Variants in NKAPD1 observed in about 807,000 individuals in gnomAD.
NKAPD1 encodes the protein NKAP domain containing 1, also known as uncharacterized protein NKAPD1.
A neutral mutation model predicts 30.9 loss-of-function variants in NKAPD1; 12 were observed. That is an observed-to-expected ratio of 0.39 (90% CI 0.25 to 0.63). The LOEUF (loss-of-function observed/expected upper bound fraction) is 0.63. NKAPD1 is among the 20% of genes least tolerant of loss of function. NKAPD1 has a pLI of 0.51. For synonymous variants in NKAPD1, 91 were observed against 113.6 expected (o/e 0.80, Z 1.26); for missense variants, 311 against 344.5 (o/e 0.90, Z 0.77).
intron 4 of NKAPD1, 144 bp downstream of exon 4, chr11:112,080,702 C>A: frequency 2.4e-6 from 2 of 827,930 alleles, no homozygotes; most frequent in South Asian, 1.8e-5. Context: ...GCCAAGTAAT[C>A]CAAATGTCTG....
In NKAPD1 at chr11:112,082,865, G is replaced by T; in HGVS notation, c.775G>T (p.Ala259Ser). 6.2e-7 allele frequency: 1 copy of T among 1,613,818 alleles called. No individual in the cohort carries two copies. The highest frequency in any genetic ancestry group is 8.5e-7 in the Non-Finnish European group (1 of 1,179,950). ...KTKRKKREKK[A>S]HTSVANNEIQ... ...CAAAAGGAAAAAGAGAGAGAAAAAA[G>T]CCCATACCTCTGTAGCCAACAATGA... Residue 259 changes from alanine to serine, a missense_variant, in exon 6 of 6, where the codon GCC becomes TCC. Ala to Ser is a moderately conservative substitution (Grantham distance 99, BLOSUM62 1). Transcript: ENST00000393047.
At chr11:112,075,671 A>G in intron 2 of NKAPD1, 28 bp downstream of exon 2, 1 of 1,600,942 alleles carries the variant, frequency 6.2e-7, no homozygotes, top group Non-Finnish European at 8.5e-7. Context: ...GTTACTCCTC[A>G]ACGCTTACTG....
intron 3 of NKAPD1, 67 bp downstream of exon 3, chr11:112,078,382 A>G: frequency 1.6e-6 from 2 of 1,284,992 alleles, no homozygotes; most frequent in Admixed American, 4.0e-5. Flanking sequence ...TTTTGTTTAA[A>G]AATACTTTGG....
Position 112,075,623 on chromosome 11 carries a change from C to T in NKAPD1, c.49C>T (p.His17Tyr). 6.2e-7 allele frequency: 1 copy of T among 1,607,586 alleles called. No individual in the cohort carries two copies. Among genetic ancestry groups the T allele is most frequent in the Non-Finnish European group, 8.5e-7 (1 of 1,178,324 alleles). ...GGTCCTCCTGAGGAATGTCATCCGG[C>T]ACACAGATGCTCACAATAAGGTGGG... Reference protein sequence around the residue: ...GKVLLRNVIRHTDAHNKIQEE... With the variant: ...GKVLLRNVIRYTDAHNKIQEE... The change falls in exon 2 of 6, where the codon CAC (histidine) becomes TAC (tyrosine). Residue 17 changes from histidine (H) to tyrosine (Y), a missense_variant. Transcript: ENST00000393047.
intron 4 of NKAPD1, chr11:112,081,310 GTGAGACTC>G (rs989915536): frequency 1.3e-5 from 2 of 150,026 alleles, no homozygotes; most frequent in Non-Finnish European, 3.0e-5. Context: ...TGGCAACTGA[GTGAGACTC>G]TGTCTCAAGA....
chr11:112,082,818 A>G lies in NKAPD1; in HGVS notation c.728A>G (p.Glu243Gly). 1 of 1,613,980 alleles carries G rather than the reference A, an allele frequency of 6.2e-7. No individual in the cohort carries two copies. The highest frequency in any genetic ancestry group is 1.1e-5 in the South Asian group (1 of 91,064). The change falls in exon 6 of 6, where the codon GAG becomes GGG. Residue 243 changes from glutamate to glycine, a missense_variant. Transcript: ENST00000393047. ...GCATCCAGCAGTTCTGAGGAAAGTG[A>G]GGAAAGAGACACTAAGAAAACCAAA... ...DSASSSSEES[E>G]ERDTKKTKRK...
At chr11:112,077,562 T>C (rs1232525553) in intron 2 of NKAPD1, among the ~76,000 whole-genome samples, 3 of 152,364 alleles carry the variant, frequency 2.0e-5, no homozygotes, top group African/African-American at 7.2e-5. Context: ...ATGAGATTGC[T>C]TAAGGTTCAA....
At chr11:112,082,262 T>C in intron 5 of NKAPD1, 1 of 660,068 alleles carries the variant, frequency 1.5e-6, no homozygotes, top group Non-Finnish European at 2.5e-6. Flanking sequence ...AGTAACTCAG[T>C]ATGGCAGCTT....
At chr11:112,077,246 C>T (rs147021936) in intron 2 of NKAPD1, among the ~76,000 whole-genome samples, 5 of 152,262 alleles carry the variant, frequency 3.3e-5, no homozygotes, top group African/African-American at 1.2e-4. Context: ...ATATAGTAAG[C>T]TTAGATTTAA....
intron 3 of NKAPD1, among the ~76,000 whole-genome samples, chr11:112,079,217 C>G (rs1347611738): frequency 2.2e-5 from 3 of 138,914 alleles, no homozygotes; most frequent in Non-Finnish European, 4.5e-5. Context: ...GTGGTCTTGG[C>G]TCACTGCAAC....
chr11:112,082,418 GCT>G (rs1566676937), intron 5 of NKAPD1, 45 bp from the exon 6 acceptor site: 1 of 1,381,230 alleles, frequency 7.2e-7, no homozygotes, highest in Non-Finnish European at 9.6e-7. Flanking sequence ...AAAATAATAC[GCT>G]TTTTTTTTAC....
chr11:112,077,467 T>TA (rs1454920040), intron 2 of NKAPD1, among the ~76,000 whole-genome samples: 1 of 152,220 alleles, frequency 6.6e-6, no homozygotes, highest in Non-Finnish European at 1.5e-5. Flanking sequence ...GACCTGTCCT[T>TA]ACTAGTTTTT....
chr11:112,074,326 C>G lies in NKAPD1; in HGVS notation c.-599C>G, dbSNP rs182483100. 15 of 399,272 alleles carry G rather than the reference C, an allele frequency of 3.8e-5. No homozygotes were observed. The highest frequency in any genetic ancestry group is 6.2e-5 in the Non-Finnish European group (14 of 226,284). 24.7% of individuals were successfully genotyped at this position (399,272 alleles called of 1,614,324 possible). ...TTTTCTCCCAAACCACTTCTTCCCC[C>G]CTACCCCCCGCCACGCGAGGCTGCG... On this transcript the variant is annotated 5_prime_UTR_variant, in exon 1 of 6. Transcript: ENST00000393047.
Position 112,074,494 on chromosome 11 carries a change from T to G in NKAPD1, c.-431T>G, listed in dbSNP as rs1361522572. 7.5e-6 allele frequency: 3 copies of G among 398,922 alleles called. No homozygotes were observed. The highest frequency in any genetic ancestry group is 1.3e-5 in the Non-Finnish European group (3 of 226,094). 24.7% of individuals were successfully genotyped at this position (398,922 alleles called of 1,614,324 possible). A position where few individuals can be genotyped will look rare whatever the true frequency, so the allele number is the denominator to read the frequency against. On this transcript the variant is annotated 5_prime_UTR_variant, in exon 1 of 6. Transcript: ENST00000393047. ...TTCCTCTGTCTTCCACTTGGAAACC[T>G]CAACCCCCGCTTCAGGCTCCCTAGA...
At position 112,083,041 on chromosome 11, in the gene NKAPD1, G is replaced by A. The variant is rs2135255496; in HGVS notation, c.*69G>A. On this transcript the variant is annotated 3_prime_UTR_variant, in exon 6 of 6. Transcript: ENST00000393047. ...GTTCTTACTCCTTGTGGTTTTGCCAGTGACTCTTGTTCAGCACGGGGCCTG... is the reference window on the plus strand; with the variant it reads ...GTTCTTACTCCTTGTGGTTTTGCCAATGACTCTTGTTCAGCACGGGGCCTG... The A allele has an allele frequency of 6.6e-7, 1 of 1,508,756 alleles. No homozygotes were observed. The highest frequency in any genetic ancestry group is 1.4e-5 in the South Asian group (1 of 72,226). 93.5% of individuals were successfully genotyped at this position (1,508,756 alleles called of 1,614,324 possible).
chr11:112,083,736 G>A lies in NKAPD1; in HGVS notation c.*764G>A, dbSNP rs1363888705. On this transcript the variant is annotated 3_prime_UTR_variant, in exon 6 of 6. Coordinates refer to ENST00000393047, the MANE Select transcript of NKAPD1 (RefSeq NM_018195.4). Reference sequence around the variant, plus strand: ...TGTCATAGATAATCCTGTACCAAATGGGGAAGAATTAGGAAATAATCATGT... The same window carrying A: ...TGTCATAGATAATCCTGTACCAAATAGGGAAGAATTAGGAAATAATCATGT... The A allele has an allele frequency of 1.3e-5, 2 of 152,582 alleles. No homozygotes were observed. The highest frequency in any genetic ancestry group is 2.9e-5 in the Non-Finnish European group (2 of 68,034). The allele number at this position is 152,582 out of a possible 1,614,324, so 9.5% of individuals were successfully genotyped here. A position where few individuals can be genotyped will look rare whatever the true frequency, so the allele number is the denominator to read the frequency against.
At chr11:112,078,122 G>A (rs1440335146) in intron 2 of NKAPD1, 93 bp from the exon 3 acceptor site, 1 of 899,716 alleles carries the variant, frequency 1.1e-6, no homozygotes, top group South Asian at 1.6e-5. Context: ...GGGATTACAG[G>A]TGTGAGCCAC....
chr11:112,082,198 T>C (rs1303441770), intron 5 of NKAPD1, 163 bp downstream of exon 5: 2 of 724,662 alleles, frequency 2.8e-6, no homozygotes, highest in African/African-American at 1.8e-5. Flanking sequence ...CATTCTCTGG[T>C]TGATGTTTGG....
chr11:112,078,389 T>G (rs1865376749), intron 3 of NKAPD1, 74 bp downstream of exon 3: 1 of 1,198,062 alleles, frequency 8.3e-7, no homozygotes, highest in Non-Finnish European at 1.2e-6. Context: ...TAAAAATACT[T>G]TGGTATATTA....
Sources: gnomAD v4.1 joint callset for allele counts (sites outside exome capture counted in the v4.1 genomes callset) on GRCh38, gnomAD v4.1.1 for gene constraint, MANE v1.5 for transcripts, NCBI Gene and HGNC (gene_info 2026-07-23, HGNC 2026-07-21) for gene names.